The following LTAP1 variants were observed in gnomAD, a reference collection of about 807,000 sequenced individuals.
The protein encoded by LTAP1 is HCV NS5A-transactivated protein 4.
the LTAP1 span, among the ~76,000 whole-genome samples, chr1:154,218,715 C>A: frequency 6.6e-6 from 1 of 152,324 alleles, no homozygotes; most frequent in Non-Finnish European, 1.5e-5. Context: ...TGAGTACCTA[C>A]TATGTGTAGG....
the LTAP1 span, chr1:154,214,352 A>G: frequency 2.7e-6 from 2 of 745,374 alleles, no homozygotes; most frequent in Admixed American, 4.5e-5. Context: ...ATCCAATAAC[A>G]GGAATAACTA....
At chr1:154,207,653 A>G in the LTAP1 span, 4 of 1,593,032 alleles carry the variant, frequency 2.5e-6, no homozygotes, top group Admixed American at 6.9e-5. Flanking sequence ...TTAACCCTGA[A>G]GAACAGAGAG....
At chr1:154,211,398 G>A in the LTAP1 span, among the ~76,000 whole-genome samples, 1 of 127,064 alleles carries the variant, frequency 7.9e-6, no homozygotes, top group East Asian at 2.3e-4. Context: ...GTGCAGTGGC[G>A]TGATCTCAGC....
chr1:154,212,411 TCA>T, the LTAP1 span: 1 of 1,614,036 alleles, frequency 6.2e-7, no homozygotes, highest in Non-Finnish European at 8.5e-7. Flanking sequence ...TGAGGATCTC[TCA>T]GTCTGAGGGA....
the LTAP1 span, chr1:154,212,134 G>A: frequency 1.2e-5 from 8 of 667,924 alleles, no homozygotes; most frequent in East Asian, 2.2e-4. Context: ...TGGGATTATA[G>A]GCGTGAACCA....
the LTAP1 span, among the ~76,000 whole-genome samples, chr1:154,210,610 T>C: frequency 2.0e-5 from 3 of 152,182 alleles, no homozygotes; most frequent in South Asian, 4.1e-4. Flanking sequence ...CCTGAGTGGC[T>C]GGCATTACAG....
At chr1:154,209,518 C>A in the LTAP1 span, among the ~76,000 whole-genome samples, 2 of 150,204 alleles carry the variant, frequency 1.3e-5, no homozygotes, top group Non-Finnish European at 3.0e-5. Context: ...CTCTGCCTCC[C>A]AGGCACAAGT....
the LTAP1 span, among the ~76,000 whole-genome samples, chr1:154,218,595 A>G: frequency 6.6e-6 from 1 of 152,234 alleles, no homozygotes; most frequent in Non-Finnish European, 1.5e-5. Context: ...TGAGGGAGTC[A>G]TGAGCTCTAG....
At chr1:154,220,285 G>C in the LTAP1 span, 5 of 1,595,146 alleles carry the variant, frequency 3.1e-6, no homozygotes, top group Non-Finnish European at 4.3e-6. Context: ...AGCTCAAAAG[G>C]AGGGTCTCTA....
chr1:154,211,324 CTTTTTTTTTTTTTTT>C, the LTAP1 span, among the ~76,000 whole-genome samples: 4 of 34,028 alleles, frequency 1.2e-4, no homozygotes, highest in Admixed American at 3.8e-4. Flanking sequence ...TTATTTAATT[CTTTTTTTTTTTTTTT>C]TTTTTTTTTT....
At chr1:154,213,770 G>GA in the LTAP1 span, 1 of 695,354 alleles carries the variant, frequency 1.4e-6, no homozygotes, top group Admixed American at 2.7e-5. Context: ...CAAAACTCTA[G>GA]AATTTCCTAC....
chr1:154,220,494 G>A, the LTAP1 span: 4 of 1,500,270 alleles, frequency 2.7e-6, no homozygotes, highest in East Asian at 9.0e-5. Context: ...ACGGCGCCTG[G>A]GTCCCCTGGA....
the LTAP1 span, chr1:154,214,635 G>A: frequency 1.9e-6 from 2 of 1,046,972 alleles, no homozygotes; most frequent in Non-Finnish European, 2.9e-6. Context: ...CCACCAATGT[G>A]AAAATGGGGC....
At chr1:154,220,522 T>C in the LTAP1 span, 1 of 1,201,214 alleles carries the variant, frequency 8.3e-7, no homozygotes. Flanking sequence ...GGCCATTTCC[T>C]TACGGGGGAA....
chr1:154,217,683 T>G, the LTAP1 span, among the ~76,000 whole-genome samples: 2 of 151,976 alleles, frequency 1.3e-5, no homozygotes, highest in African/African-American at 4.8e-5. Context: ...TTTTCTTGTA[T>G]TTTTAGTAGA....
the LTAP1 span, among the ~76,000 whole-genome samples, chr1:154,208,756 T>C: frequency 6.6e-6 from 1 of 152,136 alleles, no homozygotes; most frequent in South Asian, 2.1e-4. Context: ...CAAACATAAT[T>C]TTTTGTTTTT....
the LTAP1 span, among the ~76,000 whole-genome samples, chr1:154,211,324 C>CTTTTTTTTTTTTT: frequency 8.8e-5 from 3 of 34,030 alleles, no homozygotes; most frequent in African/African-American, 1.4e-4. Context: ...TTATTTAATT[C>CTTTTTTTTTTTTT]TTTTTTTTTT....
the LTAP1 span, among the ~76,000 whole-genome samples, chr1:154,209,966 T>C: frequency 6.6e-6 from 1 of 151,904 alleles, no homozygotes; most frequent in Non-Finnish European, 1.5e-5. Context: ...GCTCAAGTAA[T>C]CCACCCATCT....
the LTAP1 span, among the ~76,000 whole-genome samples, chr1:154,217,122 C>G: frequency 2.0e-5 from 3 of 150,948 alleles, no homozygotes; most frequent in Admixed American, 6.6e-5. Flanking sequence ...AATTTTTTTG[C>G]ATTTTTAGTA....
Sources: gnomAD v4.1 joint callset for allele counts (sites outside exome capture counted in the v4.1 genomes callset) on GRCh38, gnomAD v4.1.1 for gene constraint, MANE v1.5 for transcripts, NCBI Gene and HGNC (gene_info 2026-07-23, HGNC 2026-07-21) for gene names.